SH3GLB1: variants seen among roughly 807,000 people sequenced by gnomAD.
SH3GLB1 encodes the protein SH3 domain containing GRB2 like, endophilin B1.
Under a neutral mutation model 42.0 loss-of-function variants are expected in SH3GLB1, and 17 were observed. The ratio of observed to expected loss-of-function variants is 0.40; its 90% confidence interval spans 0.28 to 0.61. The LOEUF is 0.61. Ranked by LOEUF, SH3GLB1 falls within the 20% of genes least tolerant of loss-of-function variation. The pLI, the probability that SH3GLB1 is intolerant of heterozygous loss-of-function variation, is 0.36. For synonymous variants in SH3GLB1, 132 were observed against 146.6 expected (o/e 0.90, Z 0.72); for missense variants, 355 against 426.3 (o/e 0.83, Z 1.47).
intron 7 of SH3GLB1, among the ~76,000 whole-genome samples, chr1:86,741,580 A>G (rs780440443): frequency 4.6e-5 from 7 of 152,204 alleles, no homozygotes; most frequent in Non-Finnish European, 7.3e-5. Flanking sequence ...TCATTGAGAT[A>G]ATTAGCAGTC....
At position 86,704,882 on chromosome 1, in the gene SH3GLB1, G is replaced by T; in HGVS notation, c.-18G>T. ...CGCCGCCGCTAGGTCGGCCGGCTCC[G>T]CCCGGCTGCCGCCTAGGATGAATAT... On this transcript the variant is annotated 5_prime_UTR_variant, in exon 1 of 9. Coordinates refer to ENST00000370558, the MANE Select transcript of SH3GLB1 (RefSeq NM_016009.5). The T allele has an allele frequency of 1.3e-6, 2 of 1,553,134 alleles. No individual in the cohort carries two copies. The highest frequency in any genetic ancestry group is 5.1e-5 in the East Asian group (2 of 38,848).
In SH3GLB1 at chr1:86,746,239, CTG is replaced by C. The variant is rs1466757857; in HGVS notation, c.*3007_*3008del. 6.6e-6 allele frequency: 1 copy of C among 152,356 alleles called. No homozygotes were observed. Among genetic ancestry groups the C allele is most frequent in the Non-Finnish European group, 1.5e-5 (1 of 68,066 alleles). The allele number at this position is 152,356 out of a possible 1,614,324, so 9.4% of individuals were successfully genotyped here. On this transcript the variant is annotated 3_prime_UTR_variant, in exon 9 of 9. Coordinates refer to ENST00000370558, the MANE Select transcript of SH3GLB1 (RefSeq NM_016009.5). ...GTTGGGGAAACATTTCTGGGATAAA[CTG>C]TGGAGTGGAGAAGACAATGGAGGGC...
intron 5 of SH3GLB1, among the ~76,000 whole-genome samples, chr1:86,732,765 A>T (rs1202289455): frequency 6.6e-6 from 1 of 152,016 alleles, no homozygotes; most frequent in Non-Finnish European, 1.5e-5. Flanking sequence ...TTAAAATATT[A>T]TTTCTACTTC....
intron 1 of SH3GLB1, among the ~76,000 whole-genome samples, chr1:86,713,708 A>T (rs1160024005): frequency 2.6e-5 from 4 of 152,044 alleles, no homozygotes; most frequent in African/African-American, 4.8e-5. Flanking sequence ...TCCCCCACTG[A>T]AGCCTTCCCT....
At position 86,704,724 on chromosome 1, in the gene SH3GLB1, G is replaced by C; in HGVS notation, c.-176G>C. 2.1e-6 allele frequency: 1 copy of C among 471,482 alleles called. No individual in the cohort carries two copies. The highest frequency in any genetic ancestry group is 2.7e-5 in the South Asian group (1 of 36,496). 29.2% of individuals were successfully genotyped at this position (471,482 alleles called of 1,614,324 possible). A position where few individuals can be genotyped will look rare whatever the true frequency, so the allele number is the denominator to read the frequency against. Reference sequence around the variant, plus strand: ...CGCCGCGCGCTTGTTCTCCTCCCTCGCCCCGCCTTCATCCTCCCCGTTCAC... The same window carrying C: ...CGCCGCGCGCTTGTTCTCCTCCCTCCCCCCGCCTTCATCCTCCCCGTTCAC... On this transcript the variant is annotated 5_prime_UTR_variant, in exon 1 of 9. Coordinates refer to ENST00000370558, the MANE Select transcript of SH3GLB1 (RefSeq NM_016009.5).
intron 8 of SH3GLB1, 93 bp downstream of exon 8, chr1:86,742,529 G>GT: frequency 1.2e-6 from 1 of 859,284 alleles, no homozygotes; most frequent in South Asian, 1.8e-5. Context: ...TAGTTATTTG[G>GT]AAATGGTTTC....
intron 7 of SH3GLB1, among the ~76,000 whole-genome samples, chr1:86,740,497 G>A (rs1187905635): frequency 1.3e-5 from 2 of 152,238 alleles, no homozygotes; most frequent in Non-Finnish European, 2.9e-5. Context: ...AGAAATGAGA[G>A]CATATCTAAG....
At chr1:86,732,178 T>C (rs1349553410) in intron 5 of SH3GLB1, among the ~76,000 whole-genome samples, 1 of 152,226 alleles carries the variant, frequency 6.6e-6, no homozygotes, top group Non-Finnish European at 1.5e-5. Flanking sequence ...TCACAGCAAA[T>C]GCCTCAGAAG....
Position 86,724,307 on chromosome 1 carries a change from T to C in SH3GLB1, c.478-6T>C. On this transcript the variant is annotated splice_polypyrimidine_tract_variant and splice_region_variant and intron_variant, in intron 4 of 8. Transcript: ENST00000370558. The stretch of plus-strand genomic sequence containing the variant: ...AGCCCTTATTTTTTCTTTTCTATAT[T>C]TATAGAAAGAAAGGAAACTATTGCA... 1.3e-6 allele frequency: 2 copies of C among 1,565,968 alleles called. No individual in the cohort carries two copies. Among genetic ancestry groups the C allele is most frequent in the Non-Finnish European group, 1.7e-6 (2 of 1,160,624 alleles).
intron 1 of SH3GLB1, among the ~76,000 whole-genome samples, chr1:86,706,949 T>C (rs772008495): frequency 4.6e-5 from 7 of 152,226 alleles, no homozygotes; most frequent in Non-Finnish European, 1.0e-4. Flanking sequence ...CTGTTAGCCA[T>C]CAAATAATTT....
chr1:86,709,146 A>C (rs1435057989), intron 1 of SH3GLB1, among the ~76,000 whole-genome samples: 2 of 152,198 alleles, frequency 1.3e-5, no homozygotes, highest in Non-Finnish European at 2.9e-5. Flanking sequence ...CTTCTAATGA[A>C]CTGTTATGTT....
At chr1:86,705,009 CG>C in intron 1 of SH3GLB1, 38 bp downstream of exon 1, 3 of 1,444,252 alleles carry the variant, frequency 2.1e-6, no homozygotes, top group Non-Finnish European at 1.9e-6. Context: ...TGGCGGCGCC[CG>C]GGAAGGTTGA....
intron 1 of SH3GLB1, among the ~76,000 whole-genome samples, chr1:86,707,594 A>C (rs2101907502): frequency 6.6e-6 from 1 of 151,702 alleles, no homozygotes; most frequent in African/African-American, 2.4e-5. Flanking sequence ...ACATACTGAA[A>C]TGTTTATGGA....
chr1:86,733,833 C>T (rs967909806), intron 5 of SH3GLB1, among the ~76,000 whole-genome samples: 2 of 152,082 alleles, frequency 1.3e-5, no homozygotes, highest in Non-Finnish European at 2.9e-5. Context: ...TGGAAATCAG[C>T]TGTGGTGGGA....
rs1447148558 is a variant in SH3GLB1, at chr1:86,729,764, A to T, written c.571-4838A>T. ...AAATGTTAGAATTTATACCTAAATG[A>T]GAAATTTGAAATCATTTAGTCCAAA... On this transcript the variant is annotated intron_variant, in intron 5 of 8. Coordinates refer to ENST00000370558, the MANE Select transcript of SH3GLB1 (RefSeq NM_016009.5). Among the ~76,000 whole-genome samples, 3 of 152,120 alleles carry T rather than the reference A, an allele frequency of 2.0e-5. No individual in the cohort carries two copies. The East Asian group carries it at 5.8e-4, about 29-fold the overall frequency.
At chr1:86,719,699 A>AT in intron 3 of SH3GLB1, 64 bp downstream of exon 3, 1 of 1,538,064 alleles carries the variant, frequency 6.5e-7, no homozygotes, top group Non-Finnish European at 8.8e-7. Context: ...TAGAGATGTC[A>AT]TTAACATATT....
At chr1:86,735,254 T>C in intron 7 of SH3GLB1, 75 bp downstream of exon 7, 1 of 930,552 alleles carries the variant, frequency 1.1e-6, no homozygotes, top group South Asian at 1.4e-5. Context: ...AGGATGAAGA[T>C]TAGAGCAATT....
intron 7 of SH3GLB1, among the ~76,000 whole-genome samples, chr1:86,740,679 G>T (rs1334348270): frequency 6.6e-6 from 1 of 152,164 alleles, no homozygotes; most frequent in Non-Finnish European, 1.5e-5. Flanking sequence ...GTAAGATCTA[G>T]ATGTGACTGT....
At chr1:86,723,561 G>A (rs1174296334) in intron 4 of SH3GLB1, among the ~76,000 whole-genome samples, 2 of 152,048 alleles carry the variant, frequency 1.3e-5, no homozygotes, top group African/African-American at 4.8e-5. Context: ...GCTTATCAGT[G>A]CAATGAAATT....
Sources: gnomAD v4.1 joint callset for allele counts (sites outside exome capture counted in the v4.1 genomes callset) on GRCh38, gnomAD v4.1.1 for gene constraint, MANE v1.5 for transcripts, NCBI Gene and HGNC (gene_info 2026-07-23, HGNC 2026-07-21) for gene names.